Variants in ANK3 observed in about 807,000 individuals in gnomAD.
ANK3 encodes the protein ankyrin-3.
A neutral mutation model predicts 370.9 loss-of-function variants in ANK3; 57 were observed. The observed-to-expected ratio is 0.15, with a 90% CI of 0.12 to 0.19. The LOEUF is 0.19. Among genes scored for constraint, ANK3 ranks in the 10% least tolerant of loss-of-function variants. ANK3 has a pLI of 1.00. For synonymous variants in ANK3, 1,929 were observed against 1,946.3 expected (o/e 0.99, Z 0.23); for missense variants, 4,439 against 5,302.1 (o/e 0.84, Z 5.06).
intron 2 of ANK3, among the ~76,000 whole-genome samples, chr10:60,531,178 T>C (rs2076597274): frequency 6.6e-6 from 1 of 152,062 alleles, no homozygotes; most frequent in Admixed American, 6.6e-5. Context: ...AACTCAATTA[T>C]GCCCAAAAAT....
intron 2 of ANK3, among the ~76,000 whole-genome samples, chr10:60,610,793 G>A (rs1174924214): frequency 2.6e-5 from 4 of 152,154 alleles, no homozygotes; most frequent in Admixed American, 6.5e-5. Context: ...AACAGACTTC[G>A]TTTCTGAAAT....
chr10:60,462,533 C>T (rs2064910746), intron 2 of ANK3, among the ~76,000 whole-genome samples: 1 of 151,200 alleles, frequency 6.6e-6, no homozygotes. Context: ...GTACAGACTT[C>T]CTTTTTCCCC....
At chr10:60,030,076 G>A (rs2073054928) in intron 43 of ANK3, among the ~76,000 whole-genome samples, 1 of 151,546 alleles carries the variant, frequency 6.6e-6, no homozygotes, top group Non-Finnish European at 1.5e-5. Flanking sequence ...AGCTTTTCTA[G>A]GTGACCTCCA....
intron 1 of ANK3, among the ~76,000 whole-genome samples, chr10:60,356,508 G>GA (rs1031113281): frequency 1.2e-4 from 18 of 152,082 alleles, no homozygotes; most frequent in African/African-American, 3.6e-4. Flanking sequence ...CTCCCTCAGA[G>GA]AAAAAAATCC....
At chr10:60,371,546 A>T (rs1270138189) in intron 1 of ANK3, among the ~76,000 whole-genome samples, 1 of 152,210 alleles carries the variant, frequency 6.6e-6, no homozygotes, top group East Asian at 1.9e-4. Flanking sequence ...ATATTGTTGA[A>T]TCAAAACATG....
chr10:60,497,349 T>C (rs2075685415), intron 2 of ANK3, among the ~76,000 whole-genome samples: 1 of 152,194 alleles, frequency 6.6e-6, no homozygotes, highest in Non-Finnish European at 1.5e-5. Flanking sequence ...ATCAATCTTC[T>C]TAATAGCATA....
chr10:60,354,550 G>A (rs551516204), intron 1 of ANK3, among the ~76,000 whole-genome samples: 202 of 152,278 alleles, frequency 1.3e-3, no homozygotes, highest in African/African-American at 4.7e-3. Flanking sequence ...AACCAGTGTT[G>A]TTTTTTAATA....
At chr10:60,353,217 C>A (rs1487644684) in intron 1 of ANK3, among the ~76,000 whole-genome samples, 1 of 148,960 alleles carries the variant, frequency 6.7e-6, no homozygotes, top group Admixed American at 6.8e-5. Flanking sequence ...GGTCTCAAAC[C>A]CCTGAGCTCA....
At chr10:60,166,009 C>T (rs906467967) in intron 23 of ANK3, among the ~76,000 whole-genome samples, 2 of 151,966 alleles carry the variant, frequency 1.3e-5, no homozygotes, top group Non-Finnish European at 1.5e-5. Context: ...GGTTTTTAAG[C>T]AAAACAGAAA....
chr10:60,308,023 T>C (rs1199552329), intron 1 of ANK3, among the ~76,000 whole-genome samples: 1 of 152,182 alleles, frequency 6.6e-6, no homozygotes, highest in East Asian at 1.9e-4. Flanking sequence ...TCTCCCTTCT[T>C]TCAAACTAAG....
chr10:60,229,199 A>G (rs2097207151), intron 8 of ANK3, among the ~76,000 whole-genome samples: 1 of 152,186 alleles, frequency 6.6e-6, no homozygotes, highest in African/African-American at 2.4e-5. Context: ...ATTTTTTGAC[A>G]TAAAAATGAA....
At chr10:60,216,366 C>T (rs550457381) in intron 8 of ANK3, among the ~76,000 whole-genome samples, 6 of 152,104 alleles carry the variant, frequency 3.9e-5, no homozygotes, top group Non-Finnish European at 8.8e-5. Flanking sequence ...ATGCTTCCAG[C>T]TTATGCCCAT....
intron 1 of ANK3, chr10:60,300,654 G>T: frequency 1.5e-6 from 1 of 682,082 alleles, no homozygotes; most frequent in Non-Finnish European, 1.8e-6. Context: ...GAATAGCAGG[G>T]CAATCAGCTG....
chr10:60,338,550 C>T (rs1269086333), intron 1 of ANK3, among the ~76,000 whole-genome samples: 1 of 152,128 alleles, frequency 6.6e-6, no homozygotes, highest in Non-Finnish European at 1.5e-5. Context: ...CATCAGGACA[C>T]GTGCATGGTA....
At chr10:60,275,104 C>T (rs941442887) in intron 4 of ANK3, among the ~76,000 whole-genome samples, 1 of 152,144 alleles carries the variant, frequency 6.6e-6, no homozygotes, top group African/African-American at 2.4e-5. Context: ...TAACAATTTC[C>T]TAACTTAGAA....
At chr10:60,160,528 G>T (rs1242951659) in intron 23 of ANK3, among the ~76,000 whole-genome samples, 1 of 151,942 alleles carries the variant, frequency 6.6e-6, no homozygotes, top group Non-Finnish European at 1.5e-5. Flanking sequence ...AAATTTGAGG[G>T]AACACTTCCA....
chr10:60,609,743 A>G (rs192424703), intron 2 of ANK3, among the ~76,000 whole-genome samples: 2 of 152,282 alleles, frequency 1.3e-5, no homozygotes. Flanking sequence ...TGCATCCAAC[A>G]ACATCTGTGC....
Position 60,072,758 on chromosome 10 carries a change from A to G in ANK3, c.8123T>C (p.Phe2708Ser). 10 of 1,614,126 alleles carry G rather than the reference A, an allele frequency of 6.2e-6. No homozygotes were observed. The highest frequency in any genetic ancestry group is 8.5e-6 in the Non-Finnish European group (10 of 1,180,008). ...SKAPDGPQSGFQLKQSKLSSI... is the reference protein window; with the variant it reads ...SKAPDGPQSGSQLKQSKLSSI... The stretch of plus-strand genomic sequence containing the variant: ...ACTGAGTTTAGATTGTTTGAGCTGG[A>G]ATCCAGACTGGGGCCCATCTGGTGC... The change falls in exon 37 of 44, where the codon TTC becomes TCC. Residue 2708 changes from phenylalanine to serine, a missense_variant. By Grantham distance (155) the Phe-to-Ser change is radical. Coordinates refer to ENST00000280772, the MANE Select transcript of ANK3 (RefSeq NM_020987.5).
intron 43 of ANK3, among the ~76,000 whole-genome samples, chr10:60,033,721 C>T (rs2074260303): frequency 6.6e-6 from 1 of 152,076 alleles, no homozygotes; most frequent in African/African-American, 2.4e-5. Flanking sequence ...AAAGGGTCTC[C>T]TATCTTTAGT....
Sources: gnomAD v4.1 joint callset for allele counts (sites outside exome capture counted in the v4.1 genomes callset) on GRCh38, gnomAD v4.1.1 for gene constraint, MANE v1.5 for transcripts, NCBI Gene and HGNC (gene_info 2026-07-23, HGNC 2026-07-21) for gene names.